ATP4B: variants seen among roughly 807,000 people sequenced by gnomAD.
The protein encoded by ATP4B is potassium-transporting ATPase subunit beta.
In ATP4B, 27 loss-of-function variants were observed where a neutral mutation model predicts 35.3. The ratio of observed to expected loss-of-function variants is 0.76; its 90% CI spans 0.56 to 1.05. ATP4B has a LOEUF of 1.05. Among genes scored for constraint, ATP4B ranks in the 50% least tolerant of loss-of-function variants. ATP4B has a pLI of 0.00. For synonymous variants in ATP4B, 162 were observed against 156.0 expected (o/e 1.04, Z -0.29); for missense variants, 375 against 384.8 (o/e 0.97, Z 0.21).
rs1293683344 is a variant in ATP4B, at chr13:113,649,242, C to G, written c.*132G>C. 2 of 1,117,486 alleles carry G rather than the reference C, an allele frequency of 1.8e-6. No individual in the cohort carries two copies. Among genetic ancestry groups the G allele is most frequent in the Non-Finnish European group, 2.5e-6 (2 of 808,612 alleles). 69.2% of individuals were successfully genotyped at this position (1,117,486 alleles called of 1,614,324 possible). On this transcript the variant is annotated 3_prime_UTR_variant, in exon 7 of 7. Transcript: ENST00000335288. This position sits in a 1 kb window ranked among gnomAD's most constrained non-coding sequence, Gnocchi z 4.7. The stretch of plus-strand genomic sequence containing the variant: ...TGTGGGCGCTTCTCTGGAGTTCGCA[C>G]ACTGACAACACCGTTGCTCCAAACC...
chr13:113,658,028 C>T lies in ATP4B; in HGVS notation c.112+5G>A, dbSNP rs745679815. ...GCACCCAGCCGGCCCGCCCCCCGCA[C>T]GTACCCCACCGGGACAGGGTGCGGC... On this transcript the variant is annotated splice_donor_5th_base_variant and intron_variant, in intron 1 of 6. Transcript: ENST00000335288. 5 of 1,594,402 alleles carry T rather than the reference C, an allele frequency of 3.1e-6. No homozygotes were observed. Among genetic ancestry groups the T allele is most frequent in the East Asian group, 2.3e-5 (1 of 43,962 alleles).
rs1340921386 is a variant in ATP4B at position 113,649,476 on chromosome 13, C to T, written c.774G>A (p.Glu258=). ...CCATGACCTTGCACACGATGGCGAC[C>T]TCAGCGTTCCTGGGGATGTTGAGGA... The part of the protein sequence containing the change: ...AKLLNIPRNA[E]VAIVCKVMAE... Residue 258 remains glutamate (E), a synonymous_variant, in exon 7 of 7, where the codon GAG becomes GAA. Coordinates refer to ENST00000335288, the MANE Select transcript of ATP4B (RefSeq NM_000705.4). The surrounding 1 kb of genome is among the most constrained non-coding windows in gnomAD (Gnocchi z 4.7). 1 of 1,557,708 alleles carries T rather than the reference C, an allele frequency of 6.4e-7. No individual in the cohort carries two copies. Among genetic ancestry groups the T allele is most frequent in the East Asian group, 2.4e-5 (1 of 41,744 alleles).
chr13:113,655,075 A>C, intron 1 of ATP4B, 133 bp from the exon 2 acceptor site: 2 of 1,224,092 alleles, frequency 1.6e-6, no homozygotes, highest in Non-Finnish European at 2.2e-6. Flanking sequence ...CCTCCCCCAA[A>C]ACAGAAACCC....
chr13:113,652,482 G>A (rs1247944563), intron 4 of ATP4B, among the ~76,000 whole-genome samples: 1 of 152,168 alleles, frequency 6.6e-6, no homozygotes, highest in Non-Finnish European at 1.5e-5. Context: ...CCCCCTAAGG[G>A]GCCCCTGGTC....
At chr13:113,657,002 T>A (rs1442437790) in intron 1 of ATP4B, among the ~76,000 whole-genome samples, 3 of 152,188 alleles carry the variant, frequency 2.0e-5, no homozygotes, top group Non-Finnish European at 4.4e-5. Flanking sequence ...AACGGGGTAT[T>A]TGTTCTACTT....
chr13:113,655,323 G>A (rs2140704852), intron 1 of ATP4B, among the ~76,000 whole-genome samples: 1 of 152,320 alleles, frequency 6.6e-6, no homozygotes, highest in South Asian at 2.1e-4. Context: ...CCCATCACAG[G>A]AAGGGAAACT....
chr13:113,655,668 A>C (rs1566689614), intron 1 of ATP4B, among the ~76,000 whole-genome samples: 1 of 146,654 alleles, frequency 6.8e-6, no homozygotes, highest in East Asian at 2.1e-4. Flanking sequence ...CGCAGGAGGC[A>C]TTTGCAGGGA....
In ATP4B at chr13:113,650,608, G is replaced by A. The variant is rs368206558; in HGVS notation, c.613-101C>T. 2.4e-6 allele frequency: 2 copies of A among 834,406 alleles called. No individual in the cohort carries two copies. Among genetic ancestry groups the A allele is most frequent in the African/African-American group, 1.7e-5 (1 of 58,632 alleles). 51.7% of individuals were successfully genotyped at this position (834,406 alleles called of 1,614,324 possible). ...GTGTGTGCACACACGCGCTGTGTAG[G>A]TGCTTGCATAAACACTTTATTGCAT... On this transcript the variant is annotated intron_variant, in intron 5 of 6. Coordinates refer to ENST00000335288, the MANE Select transcript of ATP4B (RefSeq NM_000705.4). The surrounding 1 kb of genome is among the most constrained non-coding windows in gnomAD (Gnocchi z 5.0).
chr13:113,651,011 G>T (rs184008637), intron 5 of ATP4B, among the ~76,000 whole-genome samples: 247 of 152,064 alleles, frequency 1.6e-3, no homozygotes, highest in African/African-American at 5.7e-3. Flanking sequence ...CCGCAGTGTG[G>T]CCCAAATAAA....
Position 113,649,409 on chromosome 13 carries a change from C to A in ATP4B, c.841G>T (p.Gly281Trp). The change falls in exon 7 of 7, where the codon GGG (glycine) becomes TGG (tryptophan). Residue 281 changes from glycine (G) to tryptophan (W), a missense_variant. Transcript: ENST00000335288. The surrounding 1 kb of genome is among the most constrained non-coding windows in gnomAD (Gnocchi z 4.7). ...TFNNPHDPYE[G>W]KVEFKLKIEK ...ATCTTGAGTTTGAACTCCACTTTCC[C>A]TTCATACGGGTCGTGGGGATTGTTG... is the stretch of plus-strand genomic sequence containing the variant. 6.3e-7 allele frequency: 1 copy of A among 1,593,328 alleles called. No homozygotes were observed. The highest frequency in any genetic ancestry group is 1.1e-5 in the South Asian group (1 of 88,148).
intron 4 of ATP4B, 87 bp downstream of exon 4, chr13:113,652,786 G>A (rs886265695): frequency 1.0e-5 from 15 of 1,484,464 alleles, no homozygotes; most frequent in Admixed American, 7.5e-5. Context: ...CCCCAGACAG[G>A]ACACCTGTGC....
intron 2 of ATP4B, among the ~76,000 whole-genome samples, chr13:113,654,046 C>T (rs917288789): frequency 1.2e-4 from 18 of 152,186 alleles, no homozygotes; most frequent in African/African-American, 4.1e-4. Flanking sequence ...TTCCACTTCC[C>T]GTGCGATTGG....
Position 113,650,612 on chromosome 13 carries a change from T to A in ATP4B, c.613-105A>T. 1 of 770,950 alleles carries A rather than the reference T, an allele frequency of 1.3e-6. No homozygotes were observed. Among genetic ancestry groups the A allele is most frequent in the Non-Finnish European group, 2.1e-6 (1 of 474,388 alleles). 47.8% of individuals were successfully genotyped at this position (770,950 alleles called of 1,614,324 possible). On this transcript the variant is annotated intron_variant, in intron 5 of 6. Transcript: ENST00000335288. This position sits in a 1 kb window ranked among gnomAD's most constrained non-coding sequence, Gnocchi z 5.0. ...GTGCACACACGCGCTGTGTAGGTGCTTGCATAAACACTTTATTGCATACTT... is the reference window on the plus strand; with the variant it reads ...GTGCACACACGCGCTGTGTAGGTGCATGCATAAACACTTTATTGCATACTT...
In ATP4B at chr13:113,652,949, T is replaced by C; in HGVS notation, c.479A>G (p.Gln160Arg). ...GGGATCCGCCAGGCCTGAGCAGTTCTGCAGCATATCTGCCGTGAACTTGCA... is the reference window on the plus strand; with the variant it reads ...GGGATCCGCCAGGCCTGAGCAGTTCCGCAGCATATCTGCCGTGAACTTGCA... ...FSCKFTADML[Q>R]NCSGLADPNF... Residue 160 changes from glutamine to arginine, a missense_variant, in exon 4 of 7, where the codon CAG becomes CGG. Coordinates refer to ENST00000335288, the MANE Select transcript of ATP4B (RefSeq NM_000705.4). The C allele has an allele frequency of 6.2e-7, 1 of 1,614,256 alleles. No individual in the cohort carries two copies. The highest frequency in any genetic ancestry group is 8.5e-7 in the Non-Finnish European group (1 of 1,180,046).
chr13:113,651,758 C>T (rs754483380), intron 4 of ATP4B, 31 bp from the exon 5 acceptor site: 2 of 1,608,888 alleles, frequency 1.2e-6, no homozygotes, highest in East Asian at 2.2e-5. Flanking sequence ...CGTGGCCGCT[C>T]CCCACCCCCA....
Position 113,657,995 on chromosome 13 carries a change from C to T in ATP4B, c.112+38G>A, listed in dbSNP as rs535172370. ...TGGAGGCTGCGTCCTCAGAGCGGCC[C>T]CCTCCATGCACCCAGCCGGCCCGCC... On this transcript the variant is annotated intron_variant, in intron 1 of 6. Coordinates refer to ENST00000335288, the MANE Select transcript of ATP4B (RefSeq NM_000705.4). 225 of 1,523,658 alleles carry T rather than the reference C, an allele frequency of 1.5e-4. 2 individuals carry two copies. The South Asian group carries it at 2.5e-3, about 17-fold the overall frequency. 94.4% of individuals were successfully genotyped at this position (1,523,658 alleles called of 1,614,324 possible).
At chr13:113,657,129 C>T (rs114577637) in intron 1 of ATP4B, among the ~76,000 whole-genome samples, 1,740 of 152,270 alleles carry the variant, frequency 0.011, 31 homozygotes, top group African/African-American at 0.04. Context: ...CAGCGTGTCA[C>T]GGGCATTCCC....
In ATP4B at chr13:113,658,191, C is replaced by T; in HGVS notation, c.-47G>A. 1 of 1,553,458 alleles carries T rather than the reference C, an allele frequency of 6.4e-7. No individual in the cohort carries two copies. Among genetic ancestry groups the T allele is most frequent in the Non-Finnish European group, 8.8e-7 (1 of 1,139,222 alleles). ...CCGTCTGCTCCCTGCACCCTCTACGCCCAGACTGAGGCCAGATGCCCACCT... is the reference window on the plus strand; with the variant it reads ...CCGTCTGCTCCCTGCACCCTCTACGTCCAGACTGAGGCCAGATGCCCACCT... On this transcript the variant is annotated 5_prime_UTR_variant, in exon 1 of 7. Coordinates refer to ENST00000335288, the MANE Select transcript of ATP4B (RefSeq NM_000705.4).
chr13:113,652,314 G>T, intron 4 of ATP4B, among the ~76,000 whole-genome samples: 1 of 152,230 alleles, frequency 6.6e-6, no homozygotes, highest in East Asian at 1.9e-4. Flanking sequence ...AGGTGTAGAG[G>T]GCACAAGCCT....
Sources: gnomAD v4.1 joint callset for allele counts (sites outside exome capture counted in the v4.1 genomes callset) on GRCh38, gnomAD v4.1.1 for gene constraint, Gnocchi (gnomAD v3.1) non-coding constraint, MANE v1.5 for transcripts, NCBI Gene and HGNC (gene_info 2026-07-23, HGNC 2026-07-21) for gene names.